Variants in WDR11 observed in about 807,000 individuals in gnomAD.
WDR11 encodes WD repeat domain 11, also known as WD repeat-containing protein 11.
In WDR11, 83 loss-of-function variants were observed where a neutral mutation model predicts 151.2. The observed-to-expected ratio is 0.55, with a 90% CI of 0.46 to 0.66. The LOEUF is 0.66. Among genes scored for constraint, WDR11 ranks in the 30% least tolerant of loss-of-function variants. The pLI is 0.00. For synonymous variants in WDR11, 484 were observed against 533.1 expected (o/e 0.91, Z 1.27); for missense variants, 1,301 against 1,480.9 (o/e 0.88, Z 1.99).
At position 120,908,435 on chromosome 10, in the gene WDR11, A is replaced by T. The variant is rs1276356800; in HGVS notation, c.3518-121A>T. The stretch of plus-strand genomic sequence containing the variant: ...GTTCATCCTGTGCTGCCCGCTGTGG[A>T]CACCAGGTCCCTTCCGAGCAGCCAG... On this transcript the variant is annotated intron_variant, in intron 28 of 28. Transcript: ENST00000263461. The T allele has an allele frequency of 9.7e-6, 10 of 1,036,014 alleles. No homozygotes were observed. The Admixed American group carries it at 1.6e-4, about 16-fold the overall frequency. The allele number at this position is 1,036,014 out of a possible 1,614,324, so 64.2% of individuals were successfully genotyped here. A position where few individuals can be genotyped will look rare whatever the true frequency, so the allele number is the denominator to read the frequency against.
chr10:120,859,035 A>G (rs1001005450), intron 3 of WDR11, among the ~76,000 whole-genome samples: 5 of 152,198 alleles, frequency 3.3e-5, no homozygotes, highest in African/African-American at 1.2e-4. Context: ...TAATTGCAAT[A>G]TCAGCCTCAT....
intron 11 of WDR11, among the ~76,000 whole-genome samples, chr10:120,874,187 TTTTTTGTTGTTGTTGTTGTTGTTTG>T (rs1368089865): frequency 2.7e-4 from 16 of 59,388 alleles, no homozygotes; most frequent in Admixed American, 1.1e-3. Context: ...TTTTTTTTTT[TTTTTTGTTGTTGTTGTTGTTGTTTG>T]TTTTGTTTTG....
chr10:120,893,496 G>C (rs1460984393), intron 19 of WDR11, among the ~76,000 whole-genome samples: 1 of 152,060 alleles, frequency 6.6e-6, no homozygotes, highest in East Asian at 1.9e-4. Flanking sequence ...TGTCTTTATA[G>C]TAGCATGATT....
Position 120,864,952 on chromosome 10 carries a change from TTGTCAATTTTTA to T in WDR11, c.714-91_714-80del, listed in dbSNP as rs1846262170. The stretch of plus-strand genomic sequence containing the variant: ...TTCAGGGAATAGTTGTACATTTTTA[TTGTCAATTTTTA>T]TGTGTAAAGTACAAAATTAAATCTT... On this transcript the variant is annotated intron_variant, in intron 5 of 28. Transcript: ENST00000263461. The T allele has an allele frequency of 5.6e-6, 8 of 1,435,754 alleles. No individual in the cohort carries two copies. The South Asian group carries it at 9.4e-5, about 17-fold the overall frequency. 88.9% of individuals were successfully genotyped at this position (1,435,754 alleles called of 1,614,324 possible). A position where few individuals can be genotyped will look rare whatever the true frequency, so the allele number is the denominator to read the frequency against.
chr10:120,895,113 T>C (rs1847563900), intron 19 of WDR11, among the ~76,000 whole-genome samples: 1 of 152,256 alleles, frequency 6.6e-6, no homozygotes, highest in East Asian at 1.9e-4. Context: ...ACGTGGATTC[T>C]CTTGTATCTT....
At position 120,867,259 on chromosome 10, in the gene WDR11, C is replaced by G. The variant is rs184464444; in HGVS notation, c.1294+90C>G. ...CACTCACTTGTAATTATTTTAAAGT[C>G]AAAAAAGTTAATACTTGAGAAAACT... On this transcript the variant is annotated intron_variant, in intron 9 of 28. Transcript: ENST00000263461. 4.2e-6 allele frequency: 4 copies of G among 961,708 alleles called. No homozygotes were observed. In the Admixed American group the frequency reaches 5.7e-5, roughly 14 times the overall value. The allele number at this position is 961,708 out of a possible 1,614,324, so 59.6% of individuals were successfully genotyped here.
chr10:120,851,556 G>T, intron 1 of WDR11, 50 bp downstream of exon 1: 1 of 1,574,962 alleles, frequency 6.3e-7, no homozygotes. Context: ...GAATGTGTGA[G>T]GGGGAAGGGG....
chr10:120,863,908 T>G (rs1846222590), intron 5 of WDR11, among the ~76,000 whole-genome samples: 1 of 152,028 alleles, frequency 6.6e-6, no homozygotes, highest in East Asian at 1.9e-4. Context: ...TTAAGATTAC[T>G]TCTTAAGTAT....
chr10:120,874,298 C>CT (rs1435322882), intron 11 of WDR11, among the ~76,000 whole-genome samples: 1 of 150,520 alleles, frequency 6.6e-6, no homozygotes, highest in Non-Finnish European at 1.5e-5. Flanking sequence ...TTTATTTCTC[C>CT]TAAGGGCCAG....
intron 5 of WDR11, among the ~76,000 whole-genome samples, chr10:120,863,550 A>T (rs1255831883): frequency 1.3e-5 from 2 of 152,238 alleles, no homozygotes; most frequent in Non-Finnish European, 2.9e-5. Flanking sequence ...TATTTAGAAG[A>T]TGTCGGCTGT....
At chr10:120,899,621 A>G (rs1847738919) in intron 19 of WDR11, among the ~76,000 whole-genome samples, 1 of 151,986 alleles carries the variant, frequency 6.6e-6, no homozygotes, top group African/African-American at 2.4e-5. Context: ...CATCTCTACT[A>G]AAAATGCAAA....
Position 120,905,879 on chromosome 10 carries a change from C to T in WDR11, c.3295C>T (p.Arg1099Cys), listed in dbSNP as rs1276103828. The T allele has an allele frequency of 4.3e-6, 7 of 1,614,018 alleles. No individual in the cohort carries two copies. Among genetic ancestry groups the T allele is most frequent in the East Asian group, 2.2e-5 (1 of 44,880 alleles). The change falls in exon 27 of 29, where the codon CGT becomes TGT. Residue 1099 changes from arginine (R) to cysteine (C), a missense_variant. Coordinates refer to ENST00000263461, the MANE Select transcript of WDR11 (RefSeq NM_018117.12). ...TTAACACAGGCGTCTTTCTCAGGTC[C>T]GTTTGAATCCTGAGGAGTGTGCCGA... ...WNRAAWLAKVRLNPEECADVL... is the reference protein window; with the variant it reads ...WNRAAWLAKVCLNPEECADVL...
intron 6 of WDR11, 83 bp downstream of exon 6, chr10:120,865,295 GTCT>G: frequency 7.3e-7 from 1 of 1,367,232 alleles, no homozygotes; most frequent in Non-Finnish European, 1.0e-6. Flanking sequence ...CATAAGTCTT[GTCT>G]TCAGTTCTCC....
Position 120,858,606 on chromosome 10 carries a change from G to A in WDR11, c.199-37G>A, listed in dbSNP as rs200945364. The A allele has an allele frequency of 2.5e-4, 397 of 1,612,660 alleles. 1 individual carries two copies. Among genetic ancestry groups the A allele is most frequent in the African/African-American group, 1.7e-3 (129 of 75,002 alleles). On this transcript the variant is annotated intron_variant, in intron 2 of 28. Transcript: ENST00000263461. ...AAAATTATGTTCTGTTTCATCCAGC[G>A]CAAGTATTTACTTGATCTGATTTCT...
chr10:120,908,769 C>A lies in WDR11; in HGVS notation c.*56C>A. On this transcript the variant is annotated 3_prime_UTR_variant, in exon 29 of 29. Coordinates refer to ENST00000263461, the MANE Select transcript of WDR11 (RefSeq NM_018117.12). Reference sequence around the variant, plus strand: ...GGAAGGCAGATGGGAGGGGGCTGGTCTGGCTGTGGCCACCGTCACAGTCCA... The same window carrying A: ...GGAAGGCAGATGGGAGGGGGCTGGTATGGCTGTGGCCACCGTCACAGTCCA... The A allele has an allele frequency of 6.3e-7, 1 of 1,599,018 alleles. No individual in the cohort carries two copies. The highest frequency in any genetic ancestry group is 1.1e-5 in the South Asian group (1 of 90,638).
At chr10:120,898,845 A>G (rs1847706747) in intron 19 of WDR11, among the ~76,000 whole-genome samples, 1 of 60,062 alleles carries the variant, frequency 1.7e-5, no homozygotes, top group African/African-American at 7.4e-5. Flanking sequence ...ACCCTGTCTC[A>G]GGTAGTTCTT....
At chr10:120,871,036 A>G (rs1590072542) in intron 9 of WDR11, 134 bp from the exon 10 acceptor site, 1 of 880,824 alleles carries the variant, frequency 1.1e-6, no homozygotes, top group Non-Finnish European at 1.7e-6. Context: ...CTTAATAACT[A>G]CAGCCACTAA....
chr10:120,868,025 AT>A (rs1433721527), intron 9 of WDR11, among the ~76,000 whole-genome samples: 20 of 152,114 alleles, frequency 1.3e-4, no homozygotes, highest in Admixed American at 1.2e-3. Flanking sequence ...TGGACATCTA[AT>A]TTTTTTACAG....
At position 120,894,474 on chromosome 10, in the gene WDR11, TGAA is replaced by T. The variant is rs571620521; in HGVS notation, c.2515+3591_2515+3593del. 1.8e-4 allele frequency among the ~76,000 whole-genome samples: 27 copies of T among 152,240 alleles called. No individual in the cohort carries two copies. In the South Asian group the frequency reaches 5.6e-3, roughly 32 times the overall value. Reference sequence around the variant, plus strand: ...AACAACCTGGAACGATCTGGCGCAATGAAGAATTGTCCTGCCCCAAACGCCAGT... The same window carrying T: ...AACAACCTGGAACGATCTGGCGCAATGAATTGTCCTGCCCCAAACGCCAGT... On this transcript the variant is annotated intron_variant, in intron 19 of 28. Coordinates refer to ENST00000263461, the MANE Select transcript of WDR11 (RefSeq NM_018117.12).
Sources: gnomAD v4.1 joint callset for allele counts (sites outside exome capture counted in the v4.1 genomes callset) on GRCh38, gnomAD v4.1.1 for gene constraint, MANE v1.5 for transcripts, NCBI Gene and HGNC (gene_info 2026-07-23, HGNC 2026-07-21) for gene names.